DAB1: variants seen among roughly 807,000 people sequenced by gnomAD.
DAB1 encodes disabled homolog 1.
A neutral mutation model predicts 64.6 loss-of-function variants in DAB1; 15 were observed. The observed-to-expected ratio is 0.23, with a 90% CI of 0.16 to 0.36. DAB1 has a LOEUF of 0.36. Ranked by LOEUF, DAB1 falls within the 10% of genes least tolerant of loss-of-function variation. The pLI is 1.00. For synonymous variants in DAB1, 235 were observed against 251.9 expected, an observed-to-expected ratio of 0.93 and a Z score of 0.64; for missense variants, 596 against 706.7, an observed-to-expected ratio of 0.84 and a Z score of 1.78.
intron 5 of DAB1, among the ~76,000 whole-genome samples, chr1:57,922,298 A>T (rs2102024293): frequency 6.6e-6 from 1 of 152,104 alleles, no homozygotes; most frequent in East Asian, 1.9e-4. Flanking sequence ...AAGAAAAATG[A>T]AGGGAGGGAA....
intron 5 of DAB1, among the ~76,000 whole-genome samples, chr1:58,127,028 C>T (rs898279922): frequency 1.2e-4 from 18 of 150,644 alleles, no homozygotes; most frequent in Admixed American, 9.2e-4. Context: ...CCTGAGGAAT[C>T]GCCACACTGA....
chr1:57,320,177 G>C (rs1052370740), intron 1 of DAB1, among the ~76,000 whole-genome samples: 1 of 152,144 alleles, frequency 6.6e-6, no homozygotes, highest in African/African-American at 2.4e-5. Flanking sequence ...CTGTATTATG[G>C]GGGGTGCCAG....
intron 1 of DAB1, among the ~76,000 whole-genome samples, chr1:57,865,804 G>T (rs1326398808): frequency 6.6e-6 from 1 of 152,180 alleles, no homozygotes; most frequent in African/African-American, 2.4e-5. Context: ...ACTTGGCCAG[G>T]TTATTTAAAC....
At chr1:57,609,798 C>A (rs1260829134) in intron 7 of DAB1, among the ~76,000 whole-genome samples, 1 of 152,174 alleles carries the variant, frequency 6.6e-6, no homozygotes, top group East Asian at 1.9e-4. Context: ...CAGACCCCAC[C>A]ATTTTTTTTA....
At chr1:57,622,108 T>A (rs909388145) in intron 7 of DAB1, among the ~76,000 whole-genome samples, 3 of 151,914 alleles carry the variant, frequency 2.0e-5, no homozygotes, top group African/African-American at 7.3e-5. Context: ...ACAGAAAAGG[T>A]GAGTATGCAT....
intron 5 of DAB1, among the ~76,000 whole-genome samples, chr1:57,957,141 G>A (rs1645410659): frequency 6.6e-6 from 1 of 152,192 alleles, no homozygotes; most frequent in Non-Finnish European, 1.5e-5. Context: ...AGGAAAATGT[G>A]TGAAGAGATT....
At chr1:57,707,323 C>A (rs1418994252) in intron 6 of DAB1, among the ~76,000 whole-genome samples, 1 of 151,242 alleles carries the variant, frequency 6.6e-6, no homozygotes, top group Non-Finnish European at 1.5e-5. Flanking sequence ...GAGATCCATT[C>A]ACATTATTGT....
rs189328584 is a variant in DAB1 at position 57,252,924 on chromosome 1, G to A, written c.67+38040C>T. On this transcript the variant is annotated intron_variant, in intron 2 of 14. Coordinates refer to ENST00000371236, the MANE Select transcript of DAB1 (RefSeq NM_001365792.1). ...CCAGTTTTGCATTTCAGACAGCCAAGGCCCAGATAGATGAATGGGCTAAAT... is the reference window on the plus strand; with the variant it reads ...CCAGTTTTGCATTTCAGACAGCCAAAGCCCAGATAGATGAATGGGCTAAAT... Among the ~76,000 whole-genome samples the A allele has an allele frequency of 2.2e-4, 34 of 152,324 alleles. No homozygotes were observed. In the East Asian group the frequency reaches 6.4e-3, roughly 29 times the overall value.
intron 7 of DAB1, among the ~76,000 whole-genome samples, chr1:57,632,490 G>A (rs1045294383): frequency 2.6e-5 from 4 of 152,132 alleles, no homozygotes; most frequent in Non-Finnish European, 5.9e-5. Flanking sequence ...CGTGGTAGAG[G>A]AAGCTAAAAC....
rs549489203 is a variant in DAB1 at position 57,943,339 on chromosome 1, C to A, written n.388-59177G>T. Among the ~76,000 whole-genome samples, 13 of 152,288 alleles carry A rather than the reference C, an allele frequency of 8.5e-5. 1 individual carries two copies. In the South Asian group the frequency reaches 2.7e-3, roughly 32 times the overall value. ...GTGGTTTAAAAAAAGTCAACACAAG[C>A]TGTTATTAATTGAGCAGTCACAGCT... is the stretch of plus-strand genomic sequence containing the variant. On this transcript the variant is annotated intron_variant and non_coding_transcript_variant, in intron 5 of 20. Coordinates refer to the DAB1 transcript ENST00000485760.
chr1:57,192,029 T>C (rs1035840320), intron 2 of DAB1, among the ~76,000 whole-genome samples: 1 of 152,078 alleles, frequency 6.6e-6, no homozygotes, highest in South Asian at 2.1e-4. Context: ...AAGAGTAGTG[T>C]GGCTAAGGCT....
chr1:57,237,845 A>G (rs2100459766), intron 2 of DAB1, among the ~76,000 whole-genome samples: 1 of 152,342 alleles, frequency 6.6e-6, no homozygotes, highest in Admixed American at 6.5e-5. Context: ...TTTGGGGCAA[A>G]GGGATGATGA....
chr1:58,152,222 C>T (rs1654984698), intron 4 of DAB1, among the ~76,000 whole-genome samples: 1 of 152,032 alleles, frequency 6.6e-6, no homozygotes, highest in South Asian at 2.1e-4. Context: ...CATACTATAC[C>T]CCCCATTCTA....
intron 6 of DAB1, among the ~76,000 whole-genome samples, chr1:57,752,063 C>T (rs549395912): frequency 6.6e-6 from 1 of 152,260 alleles, no homozygotes; most frequent in African/African-American, 2.4e-5. Context: ...CTGCCAATTC[C>T]CCCAGCAGTA....
chr1:57,459,068 A>G (rs1228751994), intron 7 of DAB1, among the ~76,000 whole-genome samples: 1 of 152,118 alleles, frequency 6.6e-6, no homozygotes, highest in Non-Finnish European at 1.5e-5. Context: ...AAAATTATAA[A>G]CTTAATTTTT....
chr1:57,829,132 G>C (rs1353192844), intron 1 of DAB1, among the ~76,000 whole-genome samples: 1 of 152,126 alleles, frequency 6.6e-6, no homozygotes, highest in Non-Finnish European at 1.5e-5. Context: ...TAACTGACAG[G>C]CACAGGTTCA....
rs868399969 is a variant in DAB1 at position 57,014,902 on chromosome 1, G to A, written c.1425C>T (p.Thr475=). Residue 475 remains threonine (T), a synonymous_variant, in exon 12 of 15, where the codon ACC becomes ACT. Coordinates refer to ENST00000371236, the MANE Select transcript of DAB1 (RefSeq NM_001365792.1). The stretch of plus-strand genomic sequence containing the variant: ...ACTCACGTGAGTTGGTCGATGGTGT[G>A]GTAGAAGTCACAGGGGTCAAATTCA... ...SQLNLTPVTS[T]TPSTNSPPTP... 6.3e-7 allele frequency: 1 copy of A among 1,584,418 alleles called. No homozygotes were observed. The highest frequency in any genetic ancestry group is 8.6e-7 in the Non-Finnish European group (1 of 1,163,568).
chr1:57,240,525 CAT>C (rs1375676062), intron 2 of DAB1, among the ~76,000 whole-genome samples: 2 of 152,180 alleles, frequency 1.3e-5, no homozygotes, highest in Non-Finnish European at 2.9e-5. Context: ...CTACACTACA[CAT>C]GAGGATAACC....
chr1:57,362,600 T>C (rs1679643842), intron 1 of DAB1, among the ~76,000 whole-genome samples: 1 of 152,142 alleles, frequency 6.6e-6, no homozygotes, highest in Non-Finnish European at 1.5e-5. Context: ...ATTAGTCCCC[T>C]TATAAAAGAG....
Sources: allele counts gnomAD v4.1 joint callset (sites outside exome capture counted in the v4.1 genomes callset), GRCh38; gene constraint gnomAD v4.1.1; transcripts MANE v1.5; gene names NCBI Gene and HGNC (gene_info 2026-07-23, HGNC 2026-07-21).